The following CCDC33 variants were observed in gnomAD, a reference collection of about 807,000 sequenced individuals.
CCDC33 encodes the protein coiled-coil domain containing 33.
CCDC33 carries 94 observed loss-of-function variants against 91.9 expected under a neutral mutation model. That is an observed-to-expected ratio of 1.02 (90% confidence interval 0.87 to 1.21). The LOEUF (loss-of-function observed/expected upper bound fraction) is 1.21. CCDC33 is among the 50% of genes most tolerant of loss of function. The pLI, the probability that CCDC33 is intolerant of heterozygous loss-of-function variation, is 0.00. For missense variants in CCDC33, 940 were observed against 935.5 expected (o/e 1.00, Z -0.06); for synonymous variants, 396 against 374.5 (o/e 1.06, Z -0.66).
chr15:74,313,201 T>C (rs1053136598), intron 11 of CCDC33, among the ~76,000 whole-genome samples: 4 of 151,868 alleles, frequency 2.6e-5, no homozygotes, highest in Non-Finnish European at 2.9e-5. Context: ...GTGGGGTGGG[T>C]CATGGCCTGG....
chr15:74,207,799 C>G (rs1370195891), intron 1 of CCDC33: 2 of 1,534,728 alleles, frequency 1.3e-6, no homozygotes, highest in African/African-American at 2.7e-5. Flanking sequence ...GCACAGCACA[C>G]TCACACACAC....
chr15:74,317,074 AGTGGGCCAG>A (rs2060100361), intron 11 of CCDC33, among the ~76,000 whole-genome samples: 1 of 152,200 alleles, frequency 6.6e-6, no homozygotes, highest in Non-Finnish European at 1.5e-5. Flanking sequence ...GAAAAAGTGG[AGTGGGCCAG>A]GTGCAGTGGC....
chr15:74,323,069 G>A (rs918387571), intron 11 of CCDC33, among the ~76,000 whole-genome samples: 1 of 151,834 alleles, frequency 6.6e-6, no homozygotes, highest in Non-Finnish European at 1.5e-5. Context: ...TACCTTCTAA[G>A]TCTCCAGGAA....
At chr15:74,333,194 GC>G in intron 16 of CCDC33, 1 of 1,531,068 alleles carries the variant, frequency 6.5e-7, no homozygotes, top group Non-Finnish European at 8.9e-7. Flanking sequence ...TCTTGGTGCA[GC>G]CTTGGAGAGC....
At chr15:74,330,800 G>A in intron 13 of CCDC33, 49 bp downstream of exon 13, 1 of 1,554,558 alleles carries the variant, frequency 6.4e-7, no homozygotes, top group Non-Finnish European at 8.9e-7. Flanking sequence ...TGGTGGGGGA[G>A]CATCGGGGTG....
At chr15:74,217,996 C>T (rs1196027992) in intron 1 of CCDC33, among the ~76,000 whole-genome samples, 1 of 151,912 alleles carries the variant, frequency 6.6e-6, no homozygotes. Flanking sequence ...AATGAGGGGA[C>T]CTGGGCCCTG....
upstream of CCDC33, among the ~76,000 whole-genome samples, chr15:74,232,916 G>A (rs928437695): frequency 2.0e-5 from 3 of 152,296 alleles, no homozygotes; most frequent in East Asian, 1.9e-4. Flanking sequence ...ACCAGCGCTT[G>A]AGCCTTCACA....
rs1219158294 is a variant in CCDC33, at chr15:74,244,649, C to T, written c.185+501C>T. Among the ~76,000 whole-genome samples the T allele has an allele frequency of 1.3e-5, 2 of 152,048 alleles. No individual in the cohort carries two copies. The highest frequency in any genetic ancestry group is 2.9e-5 in the Non-Finnish European group (2 of 68,016). The stretch of plus-strand genomic sequence containing the variant: ...AGTTCTGGGCCTTTAATGCACCCCA[C>T]ACACCCCCTCCAGCCAGCTGCTGTC... On this transcript the variant is annotated intron_variant, in intron 2 of 18. Coordinates refer to ENST00000398814, the MANE Select transcript of CCDC33 (RefSeq NM_025055.5). This position sits in a 1 kb window ranked among gnomAD's most constrained non-coding sequence, Gnocchi z 4.2.
chr15:74,278,338 C>T (rs8035484), intron 7 of CCDC33, among the ~76,000 whole-genome samples: 8,659 of 152,326 alleles, frequency 0.057, 360 homozygotes, highest in African/African-American at 0.12. Flanking sequence ...AGCCGCAGTG[C>T]ATTTGTGCTG....
At chr15:74,319,816 CAG>C (rs1309623573) in intron 11 of CCDC33, 2 of 152,240 alleles carry the variant, frequency 1.3e-5, no homozygotes, top group Admixed American at 6.5e-5. Flanking sequence ...GCCAATTAGA[CAG>C]GGGCTGAGGT....
chr15:74,215,914 A>G (rs187994227), upstream of CCDC33, among the ~76,000 whole-genome samples: 288 of 149,458 alleles, frequency 1.9e-3, no homozygotes, highest in African/African-American at 5.2e-3. Flanking sequence ...AAGAAAGAAA[A>G]AAAGTTGGAG....
rs1373540723 is a variant in CCDC33 at position 74,316,355 on chromosome 15, C to A, written c.1291-13834C>A. 6.6e-6 allele frequency among the ~76,000 whole-genome samples: 1 copy of A among 152,246 alleles called. No individual in the cohort carries two copies. Among genetic ancestry groups the A allele is most frequent in the Non-Finnish European group, 1.5e-5 (1 of 68,034 alleles). On this transcript the variant is annotated intron_variant, in intron 11 of 18. Coordinates refer to ENST00000398814, the MANE Select transcript of CCDC33 (RefSeq NM_025055.5). The surrounding 1 kb of genome is among the most constrained non-coding windows in gnomAD (Gnocchi z 4.7). ...GTCTGGGGCCAGGCTGAGCTCAGTGCATGCCTCTGCGTAGTGCATTATTGA... is the reference window on the plus strand; with the variant it reads ...GTCTGGGGCCAGGCTGAGCTCAGTGAATGCCTCTGCGTAGTGCATTATTGA...
chr15:74,330,659 A>G lies in CCDC33; in HGVS notation c.1457-4A>G. 2 of 1,612,138 alleles carry G rather than the reference A, an allele frequency of 1.2e-6. No homozygotes were observed. Among genetic ancestry groups the G allele is most frequent in the Non-Finnish European group, 1.7e-6 (2 of 1,178,956 alleles). On this transcript the variant is annotated splice_region_variant and splice_polypyrimidine_tract_variant and intron_variant, in intron 12 of 18. Transcript: ENST00000398814. ...CTGAGCCAGCTCCCCAACCCACCTA[A>G]CAGTGTCCATGAAGCAGAAACTGCT...
At chr15:74,308,227 C>T (rs963674962) in intron 11 of CCDC33, among the ~76,000 whole-genome samples, 1 of 152,126 alleles carries the variant, frequency 6.6e-6, no homozygotes, top group Non-Finnish European at 1.5e-5. Context: ...GTCCCTCCCC[C>T]AACCCTCACC....
chr15:74,324,455 C>G (rs941337557), intron 11 of CCDC33, among the ~76,000 whole-genome samples: 8 of 151,854 alleles, frequency 5.3e-5, no homozygotes, highest in Non-Finnish European at 1.0e-4. Context: ...GGGTTCATCT[C>G]CATCATCCAA....
chr15:74,309,968 C>T (rs1054712532), intron 11 of CCDC33, among the ~76,000 whole-genome samples: 1 of 151,598 alleles, frequency 6.6e-6, no homozygotes, highest in Non-Finnish European at 1.5e-5. Context: ...GGTAACATAG[C>T]GAGATGCCGT....
At chr15:74,289,039 C>T (rs1244541339) in intron 10 of CCDC33, among the ~76,000 whole-genome samples, 1 of 152,184 alleles carries the variant, frequency 6.6e-6, no homozygotes, top group Non-Finnish European at 1.5e-5. Flanking sequence ...ACATGCTGAA[C>T]TCATCAGGGA....
intron 1 of CCDC33, 187 bp from the exon 2 acceptor site, chr15:74,243,798 A>C: frequency 3.0e-6 from 2 of 672,476 alleles, no homozygotes; most frequent in Non-Finnish European, 5.3e-6. Flanking sequence ...TACAAAAATT[A>C]GTTGGATGTG....
intron 11 of CCDC33, among the ~76,000 whole-genome samples, chr15:74,329,016 A>G (rs2060370359): frequency 6.6e-6 from 1 of 152,200 alleles, no homozygotes; most frequent in South Asian, 2.1e-4. Flanking sequence ...TCGAGGTTGC[A>G]GTGAGCTATG....
Sources: allele counts gnomAD v4.1 joint callset (sites outside exome capture counted in the v4.1 genomes callset), GRCh38; gene constraint gnomAD v4.1.1; non-coding constraint Gnocchi (gnomAD v3.1); transcripts MANE v1.5; gene names NCBI Gene and HGNC (gene_info 2026-07-23, HGNC 2026-07-21).